Variants in PCNX2 observed in about 807,000 individuals in gnomAD.
PCNX2 encodes the protein pecanex 2, also known as pecanex-like protein 2.
PCNX2 carries 168 observed loss-of-function variants against 223.8 expected under a neutral mutation model. The observed-to-expected ratio is 0.75, with a 90% confidence interval of 0.66 to 0.85. The LOEUF (loss-of-function observed/expected upper bound fraction) is 0.85, where lower values mean the gene tolerates loss of function less well. Among genes scored for constraint, PCNX2 ranks in the 40% least tolerant of loss-of-function variants. The pLI, the probability that PCNX2 is intolerant of heterozygous loss-of-function variation, is 0.00. For missense variants in PCNX2, 2,507 were observed against 2,675.5 expected (o/e 0.94, Z 1.39); for synonymous variants, 1,006 against 1,052.6 (o/e 0.96, Z 0.86).
At chr1:233,198,847 C>G (rs1680886676) in intron 15 of PCNX2, 92 bp downstream of exon 15, 2 of 1,254,990 alleles carry the variant, frequency 1.6e-6, no homozygotes, top group African/African-American at 1.5e-5. Context: ...TCCGATTTCT[C>G]TTGTAATTTT....
the PCNX2 span, among the ~76,000 whole-genome samples, chr1:233,309,018 C>T: frequency 6.6e-6 from 1 of 151,612 alleles, no homozygotes; most frequent in Non-Finnish European, 1.5e-5. Context: ...AAGAGTGTCT[C>T]AGAAAAATTG....
At chr1:233,109,801 G>T (rs1437572569) in intron 21 of PCNX2, among the ~76,000 whole-genome samples, 1 of 152,206 alleles carries the variant, frequency 6.6e-6, no homozygotes, top group African/African-American at 2.4e-5. Flanking sequence ...TTTCCAAAAT[G>T]ACAGACACCA....
chr1:233,057,202 A>C lies in PCNX2; in HGVS notation c.4135+30T>G, dbSNP rs200704565. ...AGAATCCATCCATACAACAATAAAT[A>C]GTTGAAAAAGAGAGAAGAGATCTTC... On this transcript the variant is annotated intron_variant, in intron 24 of 33. Transcript: ENST00000258229. 7.0e-4 allele frequency: 1,060 copies of C among 1,514,802 alleles called. 1 individual carries two copies. Among genetic ancestry groups the C allele is most frequent in the Non-Finnish European group, 8.9e-4 (972 of 1,097,850 alleles). 93.8% of individuals were successfully genotyped at this position (1,514,802 alleles called of 1,614,324 possible). A position where few individuals can be genotyped will look rare whatever the true frequency, so the allele number is the denominator to read the frequency against.
intron 21 of PCNX2, among the ~76,000 whole-genome samples, chr1:233,117,400 G>A (rs547564321): frequency 6.6e-6 from 1 of 151,012 alleles, no homozygotes; most frequent in South Asian, 2.1e-4. Flanking sequence ...GGGAGGCCGA[G>A]GCAGGCAGAT....
intron 25 of PCNX2, among the ~76,000 whole-genome samples, chr1:233,045,955 C>T (rs1440809903): frequency 6.6e-6 from 1 of 152,224 alleles, no homozygotes; most frequent in Non-Finnish European, 1.5e-5. Flanking sequence ...AGTCTGTGCC[C>T]TTTGCAACAT....
chr1:233,119,620 CA>C (rs565410435), intron 21 of PCNX2, among the ~76,000 whole-genome samples: 1 of 147,662 alleles, frequency 6.8e-6, no homozygotes, highest in Non-Finnish European at 1.5e-5. Context: ...CAAAACAAAA[CA>C]AAAAAACGAA....
chr1:233,257,961 G>A, intron 5 of PCNX2, 67 bp downstream of exon 5: 1 of 1,518,506 alleles, frequency 6.6e-7, no homozygotes, highest in Non-Finnish European at 8.8e-7. Context: ...AATTACACAA[G>A]GCAAATGGCA....
At chr1:233,053,511 C>T (rs935949519) in intron 25 of PCNX2, among the ~76,000 whole-genome samples, 3 of 152,182 alleles carry the variant, frequency 2.0e-5, no homozygotes, top group Non-Finnish European at 2.9e-5. Context: ...GTGTCTCTCA[C>T]TGGGGGTAAG....
At chr1:233,261,117 G>A (rs1660017821) in intron 4 of PCNX2, among the ~76,000 whole-genome samples, 168 bp downstream of exon 4, 1 of 152,154 alleles carries the variant, frequency 6.6e-6, no homozygotes, top group Non-Finnish European at 1.5e-5. Flanking sequence ...AAATACCGAT[G>A]AGAAAAAATT....
intron 19 of PCNX2, among the ~76,000 whole-genome samples, chr1:233,159,452 G>C (rs1678333136): frequency 1.3e-5 from 2 of 152,052 alleles, no homozygotes; most frequent in African/African-American, 4.8e-5. Flanking sequence ...TTTATGCTTG[G>C]ACATATAGAC....
intron 22 of PCNX2, among the ~76,000 whole-genome samples, chr1:233,094,964 G>A (rs1372957132): frequency 6.6e-6 from 1 of 152,134 alleles, no homozygotes; most frequent in East Asian, 1.9e-4. Flanking sequence ...CCTGTTTCCT[G>A]GGAAACACAC....
chr1:233,165,571 T>A (rs1370545201), intron 17 of PCNX2, among the ~76,000 whole-genome samples: 1 of 152,204 alleles, frequency 6.6e-6, no homozygotes, highest in Non-Finnish European at 1.5e-5. Flanking sequence ...CAATGACTAA[T>A]GATGAACATA....
the PCNX2 span, among the ~76,000 whole-genome samples, chr1:233,319,395 A>T: frequency 6.6e-6 from 1 of 152,222 alleles, no homozygotes; most frequent in Non-Finnish European, 1.5e-5. Flanking sequence ...GGTATTAGCT[A>T]CTGAGGCTCC....
At chr1:233,086,079 T>C (rs1482325037) in intron 23 of PCNX2, among the ~76,000 whole-genome samples, 1 of 152,192 alleles carries the variant, frequency 6.6e-6, no homozygotes, top group Non-Finnish European at 1.5e-5. Context: ...ATTGGGGTGA[T>C]CAGGACAACT....
chr1:233,263,452 ATTTTTTTT>A (rs67108893), intron 1 of PCNX2, among the ~76,000 whole-genome samples: 8 of 126,794 alleles, frequency 6.3e-5, no homozygotes, highest in Non-Finnish European at 1.3e-4. Flanking sequence ...AAACCTCTCC[ATTTTTTTT>A]TTTTTTTTTT....
intron 8 of PCNX2, among the ~76,000 whole-genome samples, chr1:233,239,291 G>A (rs1449096949): frequency 1.3e-5 from 2 of 152,200 alleles, no homozygotes; most frequent in African/African-American, 2.4e-5. Context: ...GACATAATGT[G>A]TAACGAATGG....
intron 23 of PCNX2, chr1:233,058,043 G>A: frequency 1.0e-6 from 1 of 985,372 alleles, no homozygotes; most frequent in Non-Finnish European, 1.2e-6. Flanking sequence ...GTTGAACCAT[G>A]AGAATGAAAG....
At chr1:233,070,967 C>T (rs920725795) in intron 23 of PCNX2, among the ~76,000 whole-genome samples, 2 of 152,138 alleles carry the variant, frequency 1.3e-5, no homozygotes, top group South Asian at 2.1e-4. Context: ...ACCCGGGAGG[C>T]GGAGCTTGCA....
intron 21 of PCNX2, among the ~76,000 whole-genome samples, chr1:233,120,327 G>T (rs1468607878): frequency 6.6e-6 from 1 of 151,886 alleles, no homozygotes; most frequent in Non-Finnish European, 1.5e-5. Context: ...TACAAATGGA[G>T]ACTAAGCACC....
Sources: allele counts gnomAD v4.1 joint callset (sites outside exome capture counted in the v4.1 genomes callset), GRCh38; gene constraint gnomAD v4.1.1; transcripts MANE v1.5; gene names NCBI Gene and HGNC (gene_info 2026-07-23, HGNC 2026-07-21).